Variants in SCN8A observed in about 807,000 individuals in gnomAD.
The protein encoded by SCN8A is sodium channel protein type 8 subunit alpha.
In SCN8A, 30 loss-of-function variants were observed where a neutral mutation model predicts 184.1. The ratio of observed to expected loss-of-function variants is 0.16; its 90% CI spans 0.12 to 0.22. The LOEUF (loss-of-function observed/expected upper bound fraction) is 0.22. Ranked by LOEUF, SCN8A falls within the 10% of genes least tolerant of loss-of-function variation. SCN8A has a pLI of 1.00. For missense variants in SCN8A, 1,057 were observed against 2,498.9 expected (o/e 0.42, Z 12.30); for synonymous variants, 852 against 907.0 (o/e 0.94, Z 1.09).
At chr12:51,790,581 A>C in intron 25 of SCN8A, 79 bp downstream of exon 25, 1 of 944,390 alleles carries the variant, frequency 1.1e-6, no homozygotes. Context: ...CAAAGGAAGG[A>C]AAAAGGTAAG....
intron 1 of SCN8A, among the ~76,000 whole-genome samples, chr12:51,598,132 A>AT (rs544161169): frequency 2.0e-4 from 31 of 152,276 alleles, no homozygotes; most frequent in African/African-American, 7.5e-4. Context: ...ATAATTAGTC[A>AT]TTTTTTAAGA....
At chr12:51,784,821 G>A (rs1438025230) in intron 21 of SCN8A, among the ~76,000 whole-genome samples, 1 of 152,142 alleles carries the variant, frequency 6.6e-6, no homozygotes, top group Non-Finnish European at 1.5e-5. Flanking sequence ...TAGTATGTGG[G>A]ACAGGTTAGA....
At chr12:51,766,208 G>C in intron 16 of SCN8A, 181 bp downstream of exon 16, 1 of 630,716 alleles carries the variant, frequency 1.6e-6, no homozygotes, top group Non-Finnish European at 2.8e-6. Context: ...TACTTACAGA[G>C]TGCCTACTTA....
chr12:51,655,997 C>T (rs1940815201), intron 1 of SCN8A, among the ~76,000 whole-genome samples: 1 of 152,178 alleles, frequency 6.6e-6, no homozygotes, highest in Non-Finnish European at 1.5e-5. Context: ...TTCAGCCTCT[C>T]TTATATAACT....
chr12:51,629,152 T>A (rs1054408792), intron 1 of SCN8A, among the ~76,000 whole-genome samples: 1 of 152,202 alleles, frequency 6.6e-6, no homozygotes, highest in Non-Finnish European at 1.5e-5. Flanking sequence ...GATTTCTTTA[T>A]TAGCAGATGA....
intron 14 of SCN8A, among the ~76,000 whole-genome samples, chr12:51,752,393 C>T (rs1211847080): frequency 1.3e-5 from 2 of 151,758 alleles, no homozygotes; most frequent in African/African-American, 4.9e-5. Context: ...CTTATGTGTG[C>T]TCTCTCACTC....
At chr12:51,664,664 C>T (rs1940996762) in intron 2 of SCN8A, among the ~76,000 whole-genome samples, 1 of 152,138 alleles carries the variant, frequency 6.6e-6, no homozygotes, top group Non-Finnish European at 1.5e-5. Context: ...TTTTCCAACT[C>T]AAATGCAAAT....
chr12:51,745,074 T>G (rs1036780565), intron 12 of SCN8A, among the ~76,000 whole-genome samples: 1 of 152,178 alleles, frequency 6.6e-6, no homozygotes, highest in African/African-American at 2.4e-5. Context: ...TGAACTGATG[T>G]GGAATAGTCA....
chr12:51,757,955 A>G (rs761021821), intron 14 of SCN8A, among the ~76,000 whole-genome samples: 7 of 152,234 alleles, frequency 4.6e-5, no homozygotes, highest in Non-Finnish European at 1.0e-4. Context: ...ATCATGTTTG[A>G]AATTAAAACT....
intron 14 of SCN8A, among the ~76,000 whole-genome samples, chr12:51,756,191 G>A (rs74091650): frequency 0.021 from 3,265 of 152,066 alleles, 102 homozygotes; most frequent in African/African-American, 0.069. Flanking sequence ...GCCACCCCTC[G>A]TCACCCTGCT....
chr12:51,678,339 A>G (rs190250337), intron 2 of SCN8A, among the ~76,000 whole-genome samples: 1 of 152,234 alleles, frequency 6.6e-6, no homozygotes, highest in Non-Finnish European at 1.5e-5. Context: ...TTGACCCTGG[A>G]CTTGACAGAC....
chr12:51,619,857 G>A (rs1939923206), intron 1 of SCN8A, among the ~76,000 whole-genome samples: 1 of 152,168 alleles, frequency 6.6e-6, no homozygotes, highest in Non-Finnish European at 1.5e-5. Context: ...ATGTTGGTTG[G>A]ATTAAAGCTT....
intron 2 of SCN8A, among the ~76,000 whole-genome samples, chr12:51,681,222 C>G (rs1295663072): frequency 6.6e-6 from 1 of 152,142 alleles, no homozygotes; most frequent in Non-Finnish European, 1.5e-5. Flanking sequence ...CAACTTCATT[C>G]TTTGCCACGT....
Position 51,789,342 on chromosome 12 carries a change from T to C in SCN8A, c.4343T>C (p.Ile1448Thr). The C allele has an allele frequency of 6.2e-7, 1 of 1,614,066 alleles. No homozygotes were observed. Among genetic ancestry groups the C allele is most frequent in the Non-Finnish European group, 8.5e-7 (1 of 1,179,902 alleles). ...IYMYIYFVIF[I>T]IFGSFFTLNL... ...ATGTACATCTATTTTGTCATCTTCA[T>C]CATCTTCGGCTCCTTCTTCACCCTG... The change falls in exon 24 of 27, where the codon ATC becomes ACC. Residue 1448 changes from isoleucine (I) to threonine (T), a missense_variant. Ile to Thr is a moderately conservative substitution (Grantham distance 89, BLOSUM62 -1). Transcript: ENST00000627620.
At chr12:51,610,169 C>CAAAAA (rs398019572) in intron 1 of SCN8A, among the ~76,000 whole-genome samples, 2 of 55,930 alleles carry the variant, frequency 3.6e-5, no homozygotes, top group Admixed American at 2.6e-4. Context: ...AACTCTGTCT[C>CAAAAA]AAAAAAAAAA....
intron 22 of SCN8A, among the ~76,000 whole-genome samples, chr12:51,787,258 C>T (rs1334767626): frequency 6.6e-6 from 1 of 152,166 alleles, no homozygotes; most frequent in African/African-American, 2.4e-5. Context: ...AAAACCATGG[C>T]AGTGCCTTGG....
intron 20 of SCN8A, 30 bp from the exon 21 acceptor site, chr12:51,780,618 GT>G: frequency 5.9e-6 from 1 of 170,780 alleles, no homozygotes; most frequent in Non-Finnish European, 9.3e-6. Flanking sequence ...TACCTTTTTT[GT>G]TTTTGTTTTT....
Position 51,786,820 on chromosome 12 carries a change from T to C in SCN8A, c.4221T>C (p.Leu1407=). The part of the protein sequence containing the change: ...DNVGAGYLAL[L]QVATFKGWMD... ...TTGGGGCAGGATACCTGGCCCTTCT[T>C]CAAGTAGTAAGTAGTGTTTTTGTTT... The change falls in exon 22 of 27, where the codon CTT becomes CTC. Residue 1407 remains leucine (L), a synonymous_variant. Coordinates refer to ENST00000627620, the MANE Select transcript of SCN8A (RefSeq NM_001330260.2). 6.2e-7 allele frequency: 1 copy of C among 1,613,020 alleles called. No homozygotes were observed. Among genetic ancestry groups the C allele is most frequent in the Non-Finnish European group, 8.5e-7 (1 of 1,179,702 alleles).
At chr12:51,595,611 C>G (rs1939330092) in intron 1 of SCN8A, among the ~76,000 whole-genome samples, 1 of 152,128 alleles carries the variant, frequency 6.6e-6, no homozygotes, top group Non-Finnish European at 1.5e-5. Flanking sequence ...TTCAGTGTTC[C>G]TATCTATAAA....
Sources: gnomAD v4.1 joint callset for allele counts (sites outside exome capture counted in the v4.1 genomes callset) on GRCh38, gnomAD v4.1.1 for gene constraint, MANE v1.5 for transcripts, NCBI Gene and HGNC (gene_info 2026-07-23, HGNC 2026-07-21) for gene names.